The following GABRB1 variants were observed in gnomAD, a reference collection of about 807,000 sequenced individuals.
GABRB1 encodes gamma-aminobutyric acid type A receptor subunit beta1, also known as gamma-aminobutyric acid receptor subunit beta-1.
GABRB1 carries 17 observed loss-of-function variants against 51.6 expected under a neutral mutation model. The observed-to-expected ratio is 0.33, with a 90% CI of 0.23 to 0.49. The LOEUF (loss-of-function observed/expected upper bound fraction) is 0.49. Ranked by LOEUF, GABRB1 falls within the 20% of genes least tolerant of loss-of-function variation. The probability of loss-of-function intolerance (pLI) is 0.99; values close to 1 mark genes in which losing one functional copy is unlikely to be tolerated. For missense variants in GABRB1, 410 were observed against 600.6 expected, an observed-to-expected ratio of 0.68 and a Z score of 3.32; for synonymous variants, 247 against 218.9, an observed-to-expected ratio of 1.13 and a Z score of -1.14.
chr4:47,001,187 G>A lies in GABRB1; in HGVS notation c.-20+7261G>A, dbSNP rs891015338. 1.4e-4 allele frequency among the ~76,000 whole-genome samples: 22 copies of A among 152,150 alleles called. No individual in the cohort carries two copies. In the East Asian group the frequency reaches 1.7e-3, roughly 12 times the overall value. On this transcript the variant is annotated intron_variant, in intron 1 of 3. Transcript: ENST00000513567. ...AGATGGAGTCTCGCTCTGTCGCCCA[G>A]GCTGGAGTACAGTGGCGCGATCTGG...
intron 5 of GABRB1, among the ~76,000 whole-genome samples, chr4:47,329,828 T>C (rs941201963): frequency 4.0e-5 from 6 of 151,496 alleles, no homozygotes; most frequent in African/African-American, 1.2e-4. Context: ...ACAGATAAGA[T>C]ATATATCTAT....
chr4:47,180,223 G>A (rs2109768528), intron 4 of GABRB1, among the ~76,000 whole-genome samples: 1 of 151,944 alleles, frequency 6.6e-6, no homozygotes, highest in Middle Eastern at 3.4e-3. Flanking sequence ...TTCACATAGT[G>A]GAAGAGAATC....
intron 4 of GABRB1, among the ~76,000 whole-genome samples, chr4:47,305,479 T>C (rs1189693747): frequency 2.0e-5 from 3 of 152,146 alleles, no homozygotes; most frequent in Non-Finnish European, 2.9e-5. Flanking sequence ...AGTTTCCATA[T>C]TAATTTCATT....
intron 4 of GABRB1, among the ~76,000 whole-genome samples, chr4:47,215,082 C>A (rs1454304645): frequency 3.3e-5 from 5 of 152,002 alleles, no homozygotes; most frequent in South Asian, 2.1e-4. Flanking sequence ...TGGTATTTAA[C>A]CAAAAGTGTC....
chr4:47,232,463 CCTT>C (rs771913024), intron 4 of GABRB1, among the ~76,000 whole-genome samples: 9 of 152,130 alleles, frequency 5.9e-5, no homozygotes, highest in Non-Finnish European at 1.0e-4. Flanking sequence ...TTCCATACAA[CCTT>C]CTTCTTATTT....
At chr4:47,136,257 G>T (rs1283963710) in intron 3 of GABRB1, among the ~76,000 whole-genome samples, 1 of 152,124 alleles carries the variant, frequency 6.6e-6, no homozygotes, top group Admixed American at 6.6e-5. Flanking sequence ...CTTCGAGAGT[G>T]CTGGGATTAC....
At chr4:47,252,852 A>G (rs990853131) in intron 4 of GABRB1, among the ~76,000 whole-genome samples, 1 of 152,100 alleles carries the variant, frequency 6.6e-6, no homozygotes, top group Non-Finnish European at 1.5e-5. Flanking sequence ...ATCCCTTATC[A>G]TACCTAAATA....
At chr4:47,113,655 C>T (rs1715336624) in intron 3 of GABRB1, among the ~76,000 whole-genome samples, 1 of 152,122 alleles carries the variant, frequency 6.6e-6, no homozygotes, top group East Asian at 1.9e-4. Flanking sequence ...TTTTTTTTCT[C>T]CCAGCTCCTA....
At chr4:47,317,614 G>C (rs1724939806) in intron 4 of GABRB1, among the ~76,000 whole-genome samples, 1 of 151,900 alleles carries the variant, frequency 6.6e-6, no homozygotes. Flanking sequence ...TTGCTCTGAT[G>C]TAATGCTTAA....
intron 1 of GABRB1, among the ~76,000 whole-genome samples, chr4:46,999,294 A>C (rs576285685): frequency 6.6e-6 from 1 of 152,196 alleles, no homozygotes; most frequent in African/African-American, 2.4e-5. Flanking sequence ...TTCAAGACTG[A>C]TAAGGGACTA....
At chr4:47,184,565 GCTCAGTC>G (rs1164626137) in intron 4 of GABRB1, among the ~76,000 whole-genome samples, 1 of 151,872 alleles carries the variant, frequency 6.6e-6, no homozygotes, top group Non-Finnish European at 1.5e-5. Context: ...GCCCTGCTCA[GCTCAGTC>G]CTTTTTGCAA....
At chr4:47,229,829 T>C (rs1721072606) in intron 4 of GABRB1, among the ~76,000 whole-genome samples, 1 of 152,082 alleles carries the variant, frequency 6.6e-6, no homozygotes, top group Non-Finnish European at 1.5e-5. Context: ...ACCAGAGCTA[T>C]AAGAGACAAG....
chr4:47,202,842 A>G (rs1157161111), intron 4 of GABRB1, among the ~76,000 whole-genome samples: 1 of 152,162 alleles, frequency 6.6e-6, no homozygotes, highest in Non-Finnish European at 1.5e-5. Context: ...ACCACCCAAG[A>G]AACAGACAGT....
chr4:47,270,336 G>A (rs1722822817), intron 4 of GABRB1, among the ~76,000 whole-genome samples: 1 of 152,158 alleles, frequency 6.6e-6, no homozygotes, highest in Admixed American at 6.5e-5. Flanking sequence ...GGAAACCACT[G>A]AAAGTGAGTA....
At chr4:47,152,838 A>C (rs925409532) in intron 3 of GABRB1, among the ~76,000 whole-genome samples, 1 of 152,084 alleles carries the variant, frequency 6.6e-6, no homozygotes, top group African/African-American at 2.4e-5. Context: ...GTGCTGCCTT[A>C]AATAACTCAC....
At chr4:47,320,261 T>G (rs546391849) in intron 5 of GABRB1, 52 bp downstream of exon 5, 5 of 1,178,182 alleles carry the variant, frequency 4.2e-6, no homozygotes. Context: ...CTTGACCCAG[T>G]TGAATTCAAC....
chr4:47,028,968 T>C (rs1296332656), upstream of GABRB1, among the ~76,000 whole-genome samples: 1 of 151,586 alleles, frequency 6.6e-6, no homozygotes, highest in Non-Finnish European at 1.5e-5. Flanking sequence ...ATTATATCAT[T>C]CTGCACCTTG....
At chr4:47,167,216 C>T (rs1258952003) in intron 4 of GABRB1, among the ~76,000 whole-genome samples, 1 of 152,088 alleles carries the variant, frequency 6.6e-6, no homozygotes, top group Non-Finnish European at 1.5e-5. Context: ...AACCAAAGAG[C>T]AATTATCACT....
chr4:47,425,400 C>CAT (rs1560380453), intron 8 of GABRB1, among the ~76,000 whole-genome samples: 2 of 151,548 alleles, frequency 1.3e-5, no homozygotes, highest in African/African-American at 2.4e-5. Flanking sequence ...CACACACACA[C>CAT]ACACACACAC....
Sources: gnomAD v4.1 joint callset for allele counts (sites outside exome capture counted in the v4.1 genomes callset) on GRCh38, gnomAD v4.1.1 for gene constraint, MANE v1.5 for transcripts, NCBI Gene and HGNC (gene_info 2026-07-23, HGNC 2026-07-21) for gene names.